Variants in GALM observed in about 807,000 individuals in gnomAD.
GALM encodes galactose mutarotase, also known as aldose 1-epimerase.
A neutral mutation model predicts 37.4 loss-of-function variants in GALM; 43 were observed. The ratio of observed to expected loss-of-function variants is 1.15; its 90% CI spans 0.90 to 1.48. GALM has a LOEUF of 1.48. GALM is among the 40% of genes most tolerant of loss of function. The pLI is 0.00. For missense variants in GALM, 456 were observed against 419.1 expected, an observed-to-expected ratio of 1.09 and a Z score of -0.77; for synonymous variants, 199 against 170.6, an observed-to-expected ratio of 1.17 and a Z score of -1.30.
At chr2:38,686,675 G>A (rs1026425187) in intron 3 of GALM, among the ~76,000 whole-genome samples, 14 of 152,220 alleles carry the variant, frequency 9.2e-5, no homozygotes, top group African/African-American at 1.7e-4. Context: ...GTCATACAAC[G>A]GAATACTACT....
intron 4 of GALM, among the ~76,000 whole-genome samples, chr2:38,713,051 G>C (rs1666203486): frequency 6.6e-6 from 1 of 152,052 alleles, no homozygotes; most frequent in African/African-American, 2.4e-5. Flanking sequence ...CCTGTCCCTA[G>C]TGCCCTTCTT....
At chr2:38,667,140 T>A (rs1317936489) in intron 1 of GALM, among the ~76,000 whole-genome samples, 1 of 152,074 alleles carries the variant, frequency 6.6e-6, no homozygotes, top group Non-Finnish European at 1.5e-5. Flanking sequence ...CAAAGGAAAA[T>A]GTACATCATG....
intron 4 of GALM, among the ~76,000 whole-genome samples, chr2:38,705,709 G>A (rs1666021795): frequency 6.6e-6 from 1 of 152,208 alleles, no homozygotes; most frequent in Non-Finnish European, 1.5e-5. Flanking sequence ...CCAGGGTCGT[G>A]CATGTGCAGG....
intron 4 of GALM, among the ~76,000 whole-genome samples, chr2:38,700,218 C>G (rs186400766): frequency 3.5e-4 from 53 of 152,218 alleles, no homozygotes; most frequent in African/African-American, 1.2e-3. Context: ...TCCCAACGTA[C>G]TAGGATAACA....
intron 4 of GALM, among the ~76,000 whole-genome samples, chr2:38,694,016 C>T (rs1162451328): frequency 6.6e-6 from 1 of 152,054 alleles, no homozygotes; most frequent in African/African-American, 2.4e-5. Flanking sequence ...CCTGTTAATA[C>T]AAAACATTTT....
At chr2:38,728,656 G>A (rs891337881) in intron 4 of GALM, among the ~76,000 whole-genome samples, 17 of 152,102 alleles carry the variant, frequency 1.1e-4, no homozygotes, top group Non-Finnish European at 2.2e-4. Flanking sequence ...CTGCGCTCCA[G>A]CCTGGGTGAC....
At chr2:38,696,528 C>G (rs544317326) in intron 4 of GALM, among the ~76,000 whole-genome samples, 3 of 151,044 alleles carry the variant, frequency 2.0e-5, no homozygotes, top group African/African-American at 7.3e-5. Context: ...ACTTCTGGGG[C>G]TCAAGCAATC....
chr2:38,703,055 TA>T (rs1375519053), intron 4 of GALM, among the ~76,000 whole-genome samples: 254 of 2,644 alleles, frequency 0.096, 10 homozygotes, highest in African/African-American at 0.14. Flanking sequence ...TGTGGGATTT[TA>T]TATATATATA....
rs761381275 is a variant in GALM at position 38,729,615 on chromosome 2, A to AC, written c.694_695insC (p.Lys232ThrfsTer12). 1 of 1,613,548 alleles carries AC rather than the reference A, an allele frequency of 6.2e-7. No homozygotes were observed. Among genetic ancestry groups the AC allele is most frequent in the Non-Finnish European group, 8.5e-7 (1 of 1,179,540 alleles). ...CCTGAGAAAGCCAGTGGAGCTTGGA[A>AC]AACACCTGCAGGACTTCCATCTCAA... On this transcript the variant is annotated frameshift_variant, in exon 5 of 7. Coordinates refer to ENST00000272252, the MANE Select transcript of GALM (RefSeq NM_138801.3). LOFTEE classifies it high-confidence loss of function.
At chr2:38,688,464 T>G (rs1188087461) in intron 3 of GALM, among the ~76,000 whole-genome samples, 2 of 151,366 alleles carry the variant, frequency 1.3e-5, no homozygotes, top group African/African-American at 4.9e-5. Flanking sequence ...TGAGCCGAGA[T>G]CGCGCCATTG....
At chr2:38,731,000 C>T (rs1048247156) in intron 5 of GALM, among the ~76,000 whole-genome samples, 2 of 151,406 alleles carry the variant, frequency 1.3e-5, no homozygotes, top group Admixed American at 6.6e-5. Flanking sequence ...CTGAGGTGGT[C>T]AGATCACCTG....
chr2:38,729,924 C>A (rs1666565461), intron 5 of GALM, among the ~76,000 whole-genome samples: 1 of 152,090 alleles, frequency 6.6e-6, no homozygotes, highest in African/African-American at 2.4e-5. Context: ...GGCACCCGCT[C>A]TCTCCCTCTC....
At chr2:38,714,460 C>T (rs1210823951) in intron 4 of GALM, among the ~76,000 whole-genome samples, 1 of 152,100 alleles carries the variant, frequency 6.6e-6, no homozygotes, top group East Asian at 1.9e-4. Flanking sequence ...AGTGATCCGC[C>T]CACCTCAGCC....
chr2:38,726,472 C>T (rs1246710508), intron 4 of GALM, among the ~76,000 whole-genome samples: 1 of 151,862 alleles, frequency 6.6e-6, no homozygotes, highest in Admixed American at 6.6e-5. Context: ...GTGATCCGCC[C>T]GCCTCGGCCT....
intron 4 of GALM, among the ~76,000 whole-genome samples, chr2:38,724,233 CAAAT>C (rs1666439898): frequency 6.6e-6 from 1 of 152,052 alleles, no homozygotes; most frequent in South Asian, 2.1e-4. Context: ...CTGTGATTCT[CAAAT>C]AAAACATTGA....
At chr2:38,688,096 C>A (rs1484513925) in intron 3 of GALM, among the ~76,000 whole-genome samples, 2 of 151,710 alleles carry the variant, frequency 1.3e-5, no homozygotes, top group Non-Finnish European at 2.9e-5. Context: ...CTTGTAATCC[C>A]AGCTGCTCGG....
chr2:38,717,609 A>G (rs945531398), intron 4 of GALM, among the ~76,000 whole-genome samples: 1 of 151,984 alleles, frequency 6.6e-6, no homozygotes, highest in Non-Finnish European at 1.5e-5. Context: ...CGTGTTGGCC[A>G]GGCTGGTCTC....
chr2:38,718,314 C>T (rs1301152900), intron 4 of GALM, among the ~76,000 whole-genome samples: 1 of 151,022 alleles, frequency 6.6e-6, no homozygotes, highest in Non-Finnish European at 1.5e-5. Flanking sequence ...ATTCTCCTGC[C>T]TCAGCCTCCC....
At chr2:38,703,791 T>C (rs938002746) in intron 4 of GALM, among the ~76,000 whole-genome samples, 1 of 152,068 alleles carries the variant, frequency 6.6e-6, no homozygotes, top group African/African-American at 2.4e-5. Context: ...GGTGGGCAGA[T>C]TGCCTGAGAT....
Sources: gnomAD v4.1 joint callset for allele counts (sites outside exome capture counted in the v4.1 genomes callset) on GRCh38, gnomAD v4.1.1 for gene constraint, MANE v1.5 for transcripts, NCBI Gene and HGNC (gene_info 2026-07-23, HGNC 2026-07-21) for gene names.